CARMIL1: variants seen among roughly 807,000 people sequenced by gnomAD.
CARMIL1 encodes F-actin-uncapping protein LRRC16A.
A neutral mutation model predicts 177.1 loss-of-function variants in CARMIL1; 90 were observed. That is an observed-to-expected ratio of 0.51 (90% confidence interval 0.43 to 0.61). CARMIL1 has a LOEUF of 0.61. Among genes scored for constraint, CARMIL1 ranks in the 20% least tolerant of loss-of-function variants. The pLI, the probability that CARMIL1 is intolerant of heterozygous loss-of-function variation, is 0.00. For synonymous variants in CARMIL1, 577 were observed against 606.2 expected (o/e 0.95, Z 0.71); for missense variants, 1,380 against 1,667.0 (o/e 0.83, Z 3.00).
intron 9 of CARMIL1, among the ~76,000 whole-genome samples, chr6:25,470,598 A>G (rs958449313): frequency 6.6e-6 from 1 of 152,192 alleles, no homozygotes. Flanking sequence ...ACAAAGTGCC[A>G]TAGATTGGGT....
intron 31 of CARMIL1, among the ~76,000 whole-genome samples, chr6:25,582,362 C>G (rs1245706967): frequency 1.3e-5 from 2 of 152,140 alleles, no homozygotes; most frequent in Non-Finnish European, 2.9e-5. Flanking sequence ...TCCTGCCAGA[C>G]CCATTTAAGT....
chr6:25,479,119 A>G (rs758726080), intron 11 of CARMIL1: 1 of 519,026 alleles, frequency 1.9e-6, no homozygotes, highest in Non-Finnish European at 3.8e-6. Flanking sequence ...AACCACTACC[A>G]AGATCAAGAG....
chr6:25,500,285 C>G (rs1288904511), intron 17 of CARMIL1, 50 bp downstream of exon 17: 1 of 1,525,656 alleles, frequency 6.6e-7, no homozygotes, highest in East Asian at 2.3e-5. Flanking sequence ...GCCTCAACCG[C>G]TTTGCCTTTT....
chr6:25,371,582 C>A (rs1367483861), intron 2 of CARMIL1, among the ~76,000 whole-genome samples: 1 of 152,082 alleles, frequency 6.6e-6, no homozygotes, highest in African/African-American at 2.4e-5. Context: ...CTATTCATGT[C>A]ATTTGCCCAC....
intron 8 of CARMIL1, among the ~76,000 whole-genome samples, chr6:25,453,309 T>C (rs552630867): frequency 4.7e-4 from 72 of 152,184 alleles, no homozygotes; most frequent in African/African-American, 1.6e-3. Flanking sequence ...AGATTACTTC[T>C]TAGATTTTAG....
intron 17 of CARMIL1, among the ~76,000 whole-genome samples, chr6:25,507,887 A>ACTT (rs35073428): frequency 0.44 from 66,083 of 151,774 alleles, 14,728 homozygotes; most frequent in Middle Eastern, 0.52. Context: ...GTACACATTT[A>ACTT]CTTCAAGTAG....
chr6:25,528,346 G>C (rs1807377445), intron 23 of CARMIL1, among the ~76,000 whole-genome samples: 1 of 152,052 alleles, frequency 6.6e-6, no homozygotes, highest in African/African-American at 2.4e-5. Flanking sequence ...TTTTCTAAGT[G>C]CTGATACATT....
At chr6:25,443,057 C>T (rs1797920667) in intron 5 of CARMIL1, among the ~76,000 whole-genome samples, 1 of 152,130 alleles carries the variant, frequency 6.6e-6, no homozygotes, top group Non-Finnish European at 1.5e-5. Flanking sequence ...CCCTATGTAT[C>T]ATCAAAAGAG....
At chr6:25,571,884 G>A (rs1014721244) in intron 29 of CARMIL1, among the ~76,000 whole-genome samples, 2 of 152,198 alleles carry the variant, frequency 1.3e-5, no homozygotes, top group African/African-American at 4.8e-5. Flanking sequence ...GGGGATGGGA[G>A]TGGGGAGGGA....
intron 24 of CARMIL1, among the ~76,000 whole-genome samples, chr6:25,532,450 A>G (rs980758111): frequency 6.6e-6 from 1 of 152,154 alleles, no homozygotes; most frequent in African/African-American, 2.4e-5. Context: ...CCACGTTTTC[A>G]CTTTGGGAAT....
intron 2 of CARMIL1, among the ~76,000 whole-genome samples, chr6:25,319,231 G>T (rs1581550877): frequency 6.6e-6 from 1 of 152,136 alleles, no homozygotes; most frequent in East Asian, 1.9e-4. Flanking sequence ...CCTTTGCTCT[G>T]CAGGCCGTAC....
At chr6:25,561,743 G>C (rs1811140035) in intron 29 of CARMIL1, among the ~76,000 whole-genome samples, 2 of 152,124 alleles carry the variant, frequency 1.3e-5, no homozygotes, top group Non-Finnish European at 2.9e-5. Context: ...GCCAAGCACA[G>C]ACTATTGAGT....
intron 13 of CARMIL1, 85 bp from the exon 14 acceptor site, chr6:25,491,647 C>A (rs1486539742): frequency 4.8e-6 from 4 of 838,388 alleles, no homozygotes; most frequent in Non-Finnish European, 7.4e-6. Flanking sequence ...GAAATTCTGG[C>A]AACTTCCTTT....
At chr6:25,284,183 G>T (rs1202051969) in intron 1 of CARMIL1, among the ~76,000 whole-genome samples, 1 of 152,162 alleles carries the variant, frequency 6.6e-6, no homozygotes, top group Admixed American at 6.5e-5. Context: ...GTTGTGTTCT[G>T]CATGCAACGT....
chr6:25,585,722 T>C lies in CARMIL1; in HGVS notation c.3006+4283T>C, dbSNP rs542093095. Among the ~76,000 whole-genome samples the C allele has an allele frequency of 3.8e-3, 578 of 152,200 alleles. 1 individual carries two copies. Among genetic ancestry groups the C allele is most frequent in the African/African-American group, 0.013 (534 of 41,530 alleles). On this transcript the variant is annotated intron_variant, in intron 31 of 36. Coordinates refer to ENST00000329474, the MANE Select transcript of CARMIL1 (RefSeq NM_017640.6). Reference sequence around the variant, plus strand: ...CTTCCGCAGTGTTTGTGTCCCTGGGTACTTGAGATTAGGGAGTGGTGATGA... The same window carrying C: ...CTTCCGCAGTGTTTGTGTCCCTGGGCACTTGAGATTAGGGAGTGGTGATGA...
chr6:25,543,447 T>G (rs1424958051), intron 26 of CARMIL1, among the ~76,000 whole-genome samples: 1 of 152,130 alleles, frequency 6.6e-6, no homozygotes, highest in Non-Finnish European at 1.5e-5. Flanking sequence ...GTTTTAGATA[T>G]TTCAGAATGA....
At position 25,586,398 on chromosome 6, in the gene CARMIL1, G is replaced by C. The variant is rs1582445658; in HGVS notation, c.3006+4959G>C. Among the ~76,000 whole-genome samples the C allele has an allele frequency of 2.0e-5, 3 of 148,918 alleles. No individual in the cohort carries two copies. In the South Asian group the frequency reaches 6.3e-4, roughly 31 times the overall value. The stretch of plus-strand genomic sequence containing the variant: ...GCACTCCCCACATCTCAGACAATGG[G>C]CGGCCAGGCAGAGACGCTCCTCACT... On this transcript the variant is annotated intron_variant, in intron 31 of 36. Coordinates refer to ENST00000329474, the MANE Select transcript of CARMIL1 (RefSeq NM_017640.6).
At chr6:25,546,959 G>A (rs2151153871) in intron 26 of CARMIL1, among the ~76,000 whole-genome samples, 1 of 151,384 alleles carries the variant, frequency 6.6e-6, no homozygotes, top group South Asian at 2.1e-4. Flanking sequence ...GGAGGCTGAG[G>A]CAGAAGAACA....
chr6:25,373,812 T>C (rs943622576), intron 2 of CARMIL1, among the ~76,000 whole-genome samples: 5 of 152,126 alleles, frequency 3.3e-5, no homozygotes, highest in Non-Finnish European at 7.4e-5. Flanking sequence ...CTCGATCTCC[T>C]GACCTCGTGA....
Sources: gnomAD v4.1 joint callset for allele counts (sites outside exome capture counted in the v4.1 genomes callset) on GRCh38, gnomAD v4.1.1 for gene constraint, MANE v1.5 for transcripts, NCBI Gene and HGNC (gene_info 2026-07-23, HGNC 2026-07-21) for gene names.